Variants in CREBBP observed in about 807,000 individuals in gnomAD.
CREBBP encodes the protein CREB-binding protein.
In CREBBP, 19 loss-of-function variants were observed where a neutral mutation model predicts 265.0. The ratio of observed to expected loss-of-function variants is 0.07; its 90% CI spans 0.05 to 0.11. CREBBP has a LOEUF of 0.11. Among genes scored for constraint, CREBBP ranks in the 10% least tolerant of loss-of-function variants. CREBBP has a pLI of 1.00. For synonymous variants in CREBBP, 1,457 were observed against 1,223.7 expected (o/e 1.19, Z -3.98); for missense variants, 2,525 against 3,219.0 (o/e 0.78, Z 5.22).
intron 1 of CREBBP, among the ~76,000 whole-genome samples, chr16:3,876,399 CAA>C (rs71133663): frequency 8.8e-4 from 16 of 18,160 alleles, no homozygotes; most frequent in African/African-American, 2.6e-3. Context: ...TAAAGCTGAC[CAA>C]AAAAAAAAAA....
rs138890592 is a variant in CREBBP, at chr16:3,792,693, G to A, written c.1217-599C>T. Among the ~76,000 whole-genome samples the A allele has an allele frequency of 2.1e-3, 323 of 152,358 alleles. 1 individual carries two copies. Among genetic ancestry groups the A allele is most frequent in the African/African-American group, 7.2e-3 (298 of 41,592 alleles). ...GTCACAACGGGAGACGGGGAGACCA[G>A]GGGGAGATTCCCCTAAGTTTATGAG... is the stretch of plus-strand genomic sequence containing the variant. On this transcript the variant is annotated intron_variant, in intron 4 of 30. Coordinates refer to ENST00000262367, the MANE Select transcript of CREBBP (RefSeq NM_004380.3).
chr16:3,840,187 A>G (rs2054539457), intron 2 of CREBBP, among the ~76,000 whole-genome samples: 1 of 152,232 alleles, frequency 6.6e-6, no homozygotes, highest in African/African-American at 2.4e-5. Flanking sequence ...TGTGTTAAGA[A>G]TCAGATGACT....
rs531708637 is a variant in CREBBP, at chr16:3,726,300, C to T, written c.*1418G>A. The stretch of plus-strand genomic sequence containing the variant: ...CCGCCTCTGGGGGTGGCAGCTACGA[C>T]GGACAGGGAGGATGGAGGAGTGGGC... On this transcript the variant is annotated 3_prime_UTR_variant, in exon 31 of 31. Coordinates refer to ENST00000262367, the MANE Select transcript of CREBBP (RefSeq NM_004380.3). 12 of 233,076 alleles carry T rather than the reference C, an allele frequency of 5.1e-5. No individual in the cohort carries two copies. The highest frequency in any genetic ancestry group is 1.1e-4 in the Admixed American group (2 of 17,762). The allele number at this position is 233,076 out of a possible 1,614,324, so 14.4% of individuals were successfully genotyped here.
chr16:3,856,826 A>G (rs1250034681), intron 1 of CREBBP, among the ~76,000 whole-genome samples: 1 of 152,210 alleles, frequency 6.6e-6, no homozygotes, highest in African/African-American at 2.4e-5. Flanking sequence ...AAAAATCTGC[A>G]AAAGGCGACC....
chr16:3,829,049 A>AT (rs2054292945), intron 2 of CREBBP, among the ~76,000 whole-genome samples: 1 of 150,786 alleles, frequency 6.6e-6, no homozygotes, highest in African/African-American at 2.5e-5. Flanking sequence ...CATAATTTTG[A>AT]AAAATGCAAA....
At position 3,774,705 on chromosome 16, in the gene CREBBP, C is replaced by T. The variant is rs2053094996; in HGVS notation, c.2159-12G>A. On this transcript the variant is annotated splice_polypyrimidine_tract_variant and intron_variant, in intron 11 of 30. Transcript: ENST00000262367. ...AAATGAATTCATCCCTGTAAATGTA[C>T]CCACAACGGTTCATTAGGAAAAGCA... The T allele has an allele frequency of 1.2e-6, 2 of 1,614,106 alleles. No individual in the cohort carries two copies. Among genetic ancestry groups the T allele is most frequent in the Non-Finnish European group, 1.7e-6 (2 of 1,179,996 alleles).
chr16:3,745,684 A>G (rs2052325330), intron 21 of CREBBP: 1 of 408,854 alleles, frequency 2.4e-6, no homozygotes, highest in Non-Finnish European at 4.6e-6. Context: ...ACTGCTACAC[A>G]TTTGCAAGAA....
intron 2 of CREBBP, among the ~76,000 whole-genome samples, chr16:3,816,984 G>A (rs1331180062): frequency 6.6e-6 from 1 of 152,196 alleles, no homozygotes; most frequent in Non-Finnish European, 1.5e-5. Flanking sequence ...AGAGGCAGCA[G>A]GAACAGTGCC....
chr16:3,789,572 G>A (rs1303805069), intron 5 of CREBBP, among the ~76,000 whole-genome samples: 1 of 152,146 alleles, frequency 6.6e-6, no homozygotes, highest in South Asian at 2.1e-4. Flanking sequence ...CCAACGTAGG[G>A]TCAGATTCAC....
intron 3 of CREBBP, among the ~76,000 whole-genome samples, chr16:3,800,346 T>C (rs761026126): frequency 2.0e-5 from 3 of 152,164 alleles, no homozygotes; most frequent in East Asian, 1.9e-4. Flanking sequence ...CTTGAACTCC[T>C]GGGCAGAAGC....
At chr16:3,735,956 G>C in intron 28 of CREBBP, 80 bp downstream of exon 28, 1 of 1,612,252 alleles carries the variant, frequency 6.2e-7, no homozygotes, top group Non-Finnish European at 8.5e-7. Context: ...GGACCTAACA[G>C]TCGACACGCG....
chr16:3,728,592 G>A lies in CREBBP; in HGVS notation c.6455C>T (p.Pro2152Leu), dbSNP rs1474037583. The A allele has an allele frequency of 6.2e-7, 1 of 1,613,856 alleles. No homozygotes were observed. Among genetic ancestry groups the A allele is most frequent in the East Asian group, 2.2e-5 (1 of 44,866 alleles). ...LNAMQAGVPRPGVPPQQQAMG... is the reference protein window; with the variant it reads ...LNAMQAGVPRLGVPPQQQAMG... ...CGCCTGCTGCTGTGGAGGCACACCG[G>A]GCCGCGGCACGCCAGCCTGCATGGC... The change falls in exon 31 of 31, where the codon CCC becomes CTC. Residue 2152 changes from proline (P) to leucine (L), a missense_variant. Pro to Leu is a moderately conservative substitution (Grantham distance 98). This residue lies in a region of CREBBP where 473 missense variants were observed against 459.3 expected (regional missense o/e 1.03). Coordinates refer to ENST00000262367, the MANE Select transcript of CREBBP (RefSeq NM_004380.3). The surrounding 1 kb of genome is among the most constrained non-coding windows in gnomAD (Gnocchi z 8.7).
chr16:3,821,435 C>T (rs973238894), intron 2 of CREBBP, among the ~76,000 whole-genome samples: 10 of 152,194 alleles, frequency 6.6e-5, no homozygotes, highest in Admixed American at 3.9e-4. Context: ...TCTTCCATCC[C>T]CACTGCCCAG....
intron 11 of CREBBP, among the ~76,000 whole-genome samples, chr16:3,775,761 C>T (rs1226261644): frequency 6.6e-6 from 1 of 152,172 alleles, no homozygotes; most frequent in Non-Finnish European, 1.5e-5. Flanking sequence ...AAGTGCATAA[C>T]TAGAAAACAT....
intron 18 of CREBBP, 128 bp from the exon 19 acceptor site, chr16:3,757,504 T>G: frequency 1.1e-6 from 1 of 948,376 alleles, no homozygotes; most frequent in Middle Eastern, 3.1e-4. Flanking sequence ...TCTAACAATT[T>G]TAGTAGCTTT....
chr16:3,780,811 G>A lies in CREBBP; in HGVS notation c.1744C>T (p.Pro582Ser), dbSNP rs746693211. The change falls in exon 8 of 31, where the codon CCT (proline) becomes TCT (serine). Residue 582 changes from proline to serine, a missense_variant. This residue lies in a region of CREBBP where 144 missense variants were observed against 134.0 expected (regional missense o/e 1.07). Coordinates refer to ENST00000262367, the MANE Select transcript of CREBBP (RefSeq NM_004380.3). Reference protein sequence around the residue: ...GTLSTIPTAAPPSSTGVRKGW... With the variant: ...GTLSTIPTAASPSSTGVRKGW... The stretch of plus-strand genomic sequence containing the variant: ...TTCCTTACACCGGTGCTAGAAGGAG[G>A]AGCTGCTGTTGGTATAGTGCTGAGG... 2 of 1,614,006 alleles carry A rather than the reference G, an allele frequency of 1.2e-6. No individual in the cohort carries two copies. The highest frequency in any genetic ancestry group is 1.7e-5 in the Admixed American group (1 of 60,026).
chr16:3,801,937 A>T (rs2053722273), intron 3 of CREBBP, among the ~76,000 whole-genome samples: 1 of 151,922 alleles, frequency 6.6e-6, no homozygotes, highest in Admixed American at 6.6e-5. Flanking sequence ...GAGTAAAGGG[A>T]GGTTAACACA....
chr16:3,793,283 A>G (rs1252056515), intron 4 of CREBBP, 103 bp downstream of exon 4: 4 of 1,491,194 alleles, frequency 2.7e-6, no homozygotes, highest in Non-Finnish European at 3.7e-6. Context: ...GGAAGGCAGC[A>G]CTCAGGCTGC....
At chr16:3,787,147 G>A (rs2053406713) in intron 5 of CREBBP, among the ~76,000 whole-genome samples, 3 of 151,952 alleles carry the variant, frequency 2.0e-5, no homozygotes, top group Non-Finnish European at 4.4e-5. Context: ...CGTACCTTGC[G>A]GGCATTGTGT....
Sources: allele counts gnomAD v4.1 joint callset (sites outside exome capture counted in the v4.1 genomes callset), GRCh38; gene constraint gnomAD v4.1.1; regional missense constraint gnomAD v4.1.1; non-coding constraint Gnocchi (gnomAD v3.1); transcripts MANE v1.5; gene names NCBI Gene and HGNC (gene_info 2026-07-23, HGNC 2026-07-21).